Variants in ESR1 observed in about 807,000 individuals in gnomAD.
The protein encoded by ESR1 is estrogen receptor 1.
ESR1 carries 12 observed loss-of-function variants against 52.7 expected under a neutral mutation model. The ratio of observed to expected loss-of-function variants is 0.23; its 90% CI spans 0.15 to 0.37. The LOEUF (loss-of-function observed/expected upper bound fraction) is 0.37. Ranked by LOEUF, ESR1 falls within the 10% of genes least tolerant of loss-of-function variation. The probability of loss-of-function intolerance (pLI) is 1.00; values close to 1 mark genes in which losing one functional copy is unlikely to be tolerated. For synonymous variants in ESR1, 305 were observed against 316.8 expected, an observed-to-expected ratio of 0.96 and a Z score of 0.39; for missense variants, 584 against 779.7, an observed-to-expected ratio of 0.75 and a Z score of 2.99.
intron 2 of ESR1, among the ~76,000 whole-genome samples, chr6:151,880,181 G>GTT (rs71017515): frequency 0.036 from 4,241 of 116,290 alleles, 365 homozygotes; most frequent in East Asian, 0.11. Context: ...TTTTTGTTCT[G>GTT]TTTTTTTTTT....
intron 1 of ESR1, among the ~76,000 whole-genome samples, chr6:151,674,287 T>C (rs1778178830): frequency 6.6e-6 from 1 of 152,162 alleles, no homozygotes; most frequent in South Asian, 2.1e-4. Context: ...CAGTGGTTGG[T>C]TTTCTGTTCC....
chr6:151,677,021 A>G (rs1436944548), intron 1 of ESR1, among the ~76,000 whole-genome samples: 3 of 152,210 alleles, frequency 2.0e-5, no homozygotes, highest in Non-Finnish European at 4.4e-5. Context: ...TTCTTTATAC[A>G]TATATATCCA....
intron 1 of ESR1, among the ~76,000 whole-genome samples, chr6:151,676,006 G>C (rs1055798161): frequency 2.0e-5 from 3 of 152,184 alleles, no homozygotes; most frequent in Admixed American, 6.5e-5. Context: ...TGAGTTACGA[G>C]GTAGAGTCAA....
At chr6:151,981,942 G>A (rs113118381) in intron 4 of ESR1, among the ~76,000 whole-genome samples, 70 of 152,292 alleles carry the variant, frequency 4.6e-4, no homozygotes, top group African/African-American at 1.5e-3. Flanking sequence ...TCTGCTGTGC[G>A]TCTAGACAAA....
chr6:152,008,124 T>C (rs1209645304), intron 4 of ESR1, among the ~76,000 whole-genome samples: 1 of 152,138 alleles, frequency 6.6e-6, no homozygotes, highest in Non-Finnish European at 1.5e-5. Context: ...AGTTAGATGC[T>C]GTGTGGTAAA....
intron 3 of ESR1, among the ~76,000 whole-genome samples, chr6:151,883,511 T>C (rs1194015711): frequency 6.6e-6 from 1 of 151,766 alleles, no homozygotes; most frequent in East Asian, 2.0e-4. Context: ...CGAGCACTCT[T>C]GGTATCTCTT....
intron 4 of ESR1, among the ~76,000 whole-genome samples, chr6:151,966,966 T>C (rs910002066): frequency 2.0e-5 from 3 of 152,230 alleles, no homozygotes; most frequent in Non-Finnish European, 4.4e-5. Context: ...AGCAAATCCC[T>C]ATTTCACGTG....
intron 1 of ESR1, among the ~76,000 whole-genome samples, chr6:151,831,069 A>G (rs1782321301): frequency 6.6e-6 from 1 of 152,124 alleles, no homozygotes; most frequent in South Asian, 2.1e-4. Flanking sequence ...TTTGCATTAT[A>G]AATTAAATTA....
intron 2 of ESR1, among the ~76,000 whole-genome samples, chr6:151,789,694 T>C (rs1456821777): frequency 6.6e-6 from 1 of 152,174 alleles, no homozygotes; most frequent in Non-Finnish European, 1.5e-5. Context: ...CGGCCACTAG[T>C]CACTAATTTA....
intron 2 of ESR1, among the ~76,000 whole-genome samples, chr6:151,795,487 C>CAA (rs61142527): frequency 6.4e-4 from 53 of 83,264 alleles, no homozygotes; most frequent in African/African-American, 1.5e-3. Context: ...GACTCCATCT[C>CAA]AAAAAAAAAA....
intron 1 of ESR1, among the ~76,000 whole-genome samples, chr6:151,698,949 A>G (rs1001496666): frequency 6.6e-6 from 1 of 152,298 alleles, no homozygotes; most frequent in East Asian, 1.9e-4. Context: ...TTCACATGTC[A>G]TTTGTGAAGG....
chr6:151,698,404 C>T (rs1029085664), intron 1 of ESR1, among the ~76,000 whole-genome samples: 7 of 151,246 alleles, frequency 4.6e-5, no homozygotes, highest in Non-Finnish European at 7.4e-5. Flanking sequence ...AAGATACTGA[C>T]AGTATAAACA....
chr6:151,823,173 C>T (rs1780861503), intron 1 of ESR1, among the ~76,000 whole-genome samples: 1 of 152,166 alleles, frequency 6.6e-6, no homozygotes, highest in South Asian at 2.1e-4. Flanking sequence ...TTGTTGGTTA[C>T]ATCTGGCAGC....
intron 3 of ESR1, among the ~76,000 whole-genome samples, chr6:151,921,683 T>C (rs1406629336): frequency 1.3e-5 from 2 of 152,244 alleles, no homozygotes; most frequent in Non-Finnish European, 2.9e-5. Flanking sequence ...ATTTCTCTAA[T>C]GATCAGTGAT....
In ESR1 at chr6:151,722,657, A is replaced by T. The variant is rs138440811; in HGVS notation, c.-71+20652A>T. On this transcript the variant is annotated intron_variant, in intron 2 of 2. Transcript: ENST00000404742. ...CTGGGGCAAAATCCTATTAAAAGCT[A>T]ATTCATTATCTGAGCCAGTGCATGA... Among the ~76,000 whole-genome samples, 28 of 152,378 alleles carry T rather than the reference A, an allele frequency of 1.8e-4. No individual in the cohort carries two copies. The East Asian group carries it at 5.4e-3, about 29-fold the overall frequency.
chr6:151,920,235 A>C (rs953622133), intron 3 of ESR1, among the ~76,000 whole-genome samples: 2 of 152,082 alleles, frequency 1.3e-5, no homozygotes, highest in African/African-American at 4.8e-5. Flanking sequence ...TAGTCATTCC[A>C]AACAGTGAAG....
chr6:151,709,624 T>C (rs1385955752), intron 2 of ESR1, among the ~76,000 whole-genome samples: 1 of 152,194 alleles, frequency 6.6e-6, no homozygotes. Flanking sequence ...GCCAACACTT[T>C]TAATCTTTTG....
chr6:151,670,572 T>C (rs1778014229), intron 1 of ESR1, among the ~76,000 whole-genome samples: 1 of 138,446 alleles, frequency 7.2e-6, no homozygotes, highest in Non-Finnish European at 1.6e-5. Flanking sequence ...CAAGTCTAGG[T>C]GAAGAAGGCA....
chr6:152,111,706 G>C (rs1365236533), intron 6 of ESR1, among the ~76,000 whole-genome samples: 1 of 152,122 alleles, frequency 6.6e-6, no homozygotes, highest in African/African-American at 2.4e-5. Flanking sequence ...AGGGGAGAAG[G>C]GCAGAGAGAG....
Sources: allele counts gnomAD v4.1 joint callset (sites outside exome capture counted in the v4.1 genomes callset), GRCh38; gene constraint gnomAD v4.1.1; transcripts MANE v1.5; gene names NCBI Gene and HGNC (gene_info 2026-07-23, HGNC 2026-07-21).